The following SPOCK1 variants were observed in gnomAD, a reference collection of about 807,000 sequenced individuals.
SPOCK1 encodes SPARC (osteonectin), cwcv and kazal like domains proteoglycan 1.
A neutral mutation model predicts 55.3 loss-of-function variants in SPOCK1; 23 were observed. The ratio of observed to expected loss-of-function variants is 0.42; its 90% CI spans 0.30 to 0.59. SPOCK1 has a LOEUF of 0.59. SPOCK1 is among the 20% of genes least tolerant of loss of function. The pLI is 0.22. For missense variants in SPOCK1, 499 were observed against 552.5 expected (o/e 0.90, Z 0.97); for synonymous variants, 226 against 221.0 (o/e 1.02, Z -0.20).
intron 3 of SPOCK1, among the ~76,000 whole-genome samples, chr5:137,148,017 G>C (rs573499349): frequency 5.9e-5 from 9 of 152,108 alleles, no homozygotes; most frequent in Non-Finnish European, 1.3e-4. Flanking sequence ...CAAAAGAAGC[G>C]CCTTTCCCTT....
At chr5:137,178,143 A>G (rs980364697) in intron 3 of SPOCK1, among the ~76,000 whole-genome samples, 1 of 152,178 alleles carries the variant, frequency 6.6e-6, no homozygotes, top group Non-Finnish European at 1.5e-5. Context: ...AGCCTCCCAG[A>G]TCATCCTGTT....
At chr5:137,422,565 A>C (rs1006674433) in intron 2 of SPOCK1, among the ~76,000 whole-genome samples, 1 of 152,148 alleles carries the variant, frequency 6.6e-6, no homozygotes, top group Non-Finnish European at 1.5e-5. Context: ...CCTTTCTTCC[A>C]GTTGATCGAA....
intron 2 of SPOCK1, among the ~76,000 whole-genome samples, chr5:137,321,900 A>G (rs531155481): frequency 6.6e-6 from 1 of 152,136 alleles, no homozygotes; most frequent in African/African-American, 2.4e-5. Flanking sequence ...GAAAACTGTC[A>G]ATCCAGATTT....
At chr5:137,366,981 C>T (rs944860007) in intron 2 of SPOCK1, among the ~76,000 whole-genome samples, 1 of 152,170 alleles carries the variant, frequency 6.6e-6, no homozygotes, top group Non-Finnish European at 1.5e-5. Flanking sequence ...AATTGCTGAG[C>T]CAGAGATGAG....
chr5:137,191,673 AT>A (rs1352896434), intron 3 of SPOCK1, among the ~76,000 whole-genome samples: 1 of 152,090 alleles, frequency 6.6e-6, no homozygotes, highest in East Asian at 1.9e-4. Context: ...GCTTGGAGCT[AT>A]TTTTTCATAA....
intron 2 of SPOCK1, among the ~76,000 whole-genome samples, chr5:137,432,419 A>G (rs1752767581): frequency 3.3e-4 from 1 of 3,018 alleles, no homozygotes; most frequent in Admixed American, 5.6e-3. Flanking sequence ...AATATTATTC[A>G]GCCATAAAAA....
At chr5:137,301,840 G>GA (rs1757597542) in intron 2 of SPOCK1, among the ~76,000 whole-genome samples, 1 of 151,906 alleles carries the variant, frequency 6.6e-6, no homozygotes, top group Non-Finnish European at 1.5e-5. Context: ...AACAACTCCA[G>GA]ATACACAAAT....
At chr5:137,167,887 A>T (rs1642638211) in intron 3 of SPOCK1, among the ~76,000 whole-genome samples, 1 of 152,092 alleles carries the variant, frequency 6.6e-6, no homozygotes, top group African/African-American at 2.4e-5. Context: ...AAAAATGTCA[A>T]AAAACAACCT....
At chr5:137,177,337 G>A (rs1754874609) in intron 3 of SPOCK1, among the ~76,000 whole-genome samples, 1 of 152,156 alleles carries the variant, frequency 6.6e-6, no homozygotes, top group African/African-American at 2.4e-5. Flanking sequence ...CCATCCCCAG[G>A]TTATCAAAGG....
intron 2 of SPOCK1, among the ~76,000 whole-genome samples, chr5:137,491,098 G>C (rs1754166090): frequency 6.6e-6 from 1 of 152,138 alleles, no homozygotes. Context: ...TGCTTACTCA[G>C]TCCTCCCCCA....
chr5:137,285,307 A>C (rs1376344215), intron 2 of SPOCK1, among the ~76,000 whole-genome samples: 1 of 152,200 alleles, frequency 6.6e-6, no homozygotes, highest in Non-Finnish European at 1.5e-5. Flanking sequence ...ACACATGCTC[A>C]ACCACAGCAG....
rs1336929745 is a variant in SPOCK1 at position 137,215,264 on chromosome 5, G to A, written c.232+51746C>T. 2.6e-5 allele frequency among the ~76,000 whole-genome samples: 4 copies of A among 152,148 alleles called. No individual in the cohort carries two copies. The East Asian group carries it at 7.7e-4, about 29-fold the overall frequency. The stretch of plus-strand genomic sequence containing the variant: ...TGTTAAGAACCTGGTTTTCACCCAG[G>A]CAATGAGGTGAAATGTCTTCCAGGC... On this transcript the variant is annotated intron_variant, in intron 3 of 10. Transcript: ENST00000394945.
chr5:137,422,761 G>A lies in SPOCK1; in HGVS notation c.186+75612C>T, dbSNP rs185418754. Among the ~76,000 whole-genome samples, 380 of 152,100 alleles carry A rather than the reference G, an allele frequency of 2.5e-3. 2 individuals carry two copies. Among genetic ancestry groups the A allele is most frequent in the Non-Finnish European group, 4.3e-3 (294 of 67,972 alleles). ...TCCTTTAGCTTGGAGTAGTTTGATC[G>A]TCTGAAGCCTTCTTCTCTCAACTTG... On this transcript the variant is annotated intron_variant, in intron 2 of 10. Transcript: ENST00000394945.
intron 3 of SPOCK1, among the ~76,000 whole-genome samples, chr5:137,168,906 T>C (rs1446908670): frequency 6.6e-6 from 1 of 152,200 alleles, no homozygotes; most frequent in Non-Finnish European, 1.5e-5. Flanking sequence ...CTCATGTTTA[T>C]TGCAGCATTA....
intron 6 of SPOCK1, among the ~76,000 whole-genome samples, chr5:137,008,585 A>G (rs1286203428): frequency 6.6e-6 from 1 of 152,184 alleles, no homozygotes; most frequent in East Asian, 1.9e-4. Context: ...AGGAAATACT[A>G]GAGAATTGTA....
chr5:137,015,503 A>G (rs780654912), intron 6 of SPOCK1, among the ~76,000 whole-genome samples: 5 of 152,108 alleles, frequency 3.3e-5, no homozygotes, highest in Non-Finnish European at 7.4e-5. Flanking sequence ...TACCATTCAC[A>G]TTCACACTCA....
chr5:137,339,446 C>T (rs1750364628), intron 2 of SPOCK1, among the ~76,000 whole-genome samples: 1 of 152,210 alleles, frequency 6.6e-6, no homozygotes, highest in Admixed American at 6.5e-5. Flanking sequence ...GGCCCTGCTG[C>T]AGCCAGCTCA....
intron 2 of SPOCK1, among the ~76,000 whole-genome samples, chr5:137,348,452 C>T (rs1303271549): frequency 7.1e-6 from 1 of 141,710 alleles, no homozygotes; most frequent in Non-Finnish European, 1.5e-5. Flanking sequence ...CAAATTGCTA[C>T]TTGCTGCAAT....
chr5:137,193,282 C>G (rs541425449), intron 3 of SPOCK1, among the ~76,000 whole-genome samples: 6 of 152,064 alleles, frequency 3.9e-5, no homozygotes, highest in African/African-American at 7.2e-5. Context: ...AGGCAAGAGA[C>G]AGTGAGAAGT....
Sources: gnomAD v4.1 joint callset for allele counts (sites outside exome capture counted in the v4.1 genomes callset) on GRCh38, gnomAD v4.1.1 for gene constraint, MANE v1.5 for transcripts, NCBI Gene and HGNC (gene_info 2026-07-23, HGNC 2026-07-21) for gene names.